The following NAALADL2 variants were observed in gnomAD, a reference collection of about 807,000 sequenced individuals.
NAALADL2 encodes inactive N-acetylated-alpha-linked acidic dipeptidase-like protein 2.
A neutral mutation model predicts 87.2 loss-of-function variants in NAALADL2; 76 were observed. The ratio of observed to expected loss-of-function variants is 0.87; its 90% CI spans 0.72 to 1.05. The LOEUF (loss-of-function observed/expected upper bound fraction) is 1.05. Ranked by LOEUF, NAALADL2 falls within the 50% of genes least tolerant of loss-of-function variation. NAALADL2 has a pLI of 0.00. For synonymous variants in NAALADL2, 354 were observed against 331.0 expected, an observed-to-expected ratio of 1.07 and a Z score of -0.75; for missense variants, 1,089 against 945.8, an observed-to-expected ratio of 1.15 and a Z score of -1.99.
At chr3:175,590,380 T>C (rs912390712) in intron 10 of NAALADL2, among the ~76,000 whole-genome samples, 7 of 148,086 alleles carry the variant, frequency 4.7e-5, no homozygotes, top group Non-Finnish European at 8.8e-5. Flanking sequence ...ATAGTGTCTG[T>C]ATCTGGAAAT....
At chr3:175,310,054 A>G (rs1033040131) in intron 4 of NAALADL2, among the ~76,000 whole-genome samples, 1 of 152,234 alleles carries the variant, frequency 6.6e-6, no homozygotes, top group Non-Finnish European at 1.5e-5. Context: ...TTATAATATC[A>G]TACGGAACTT....
chr3:175,782,879 T>C (rs1422473273), intron 13 of NAALADL2, among the ~76,000 whole-genome samples: 2 of 147,630 alleles, frequency 1.4e-5, no homozygotes, highest in African/African-American at 5.3e-5. Context: ...AATTGATTTT[T>C]GTATAAGGTG....
At chr3:174,541,522 G>T (rs1722220205) in intron 1 of NAALADL2, among the ~76,000 whole-genome samples, 1 of 151,970 alleles carries the variant, frequency 6.6e-6, no homozygotes, top group African/African-American at 2.4e-5. Flanking sequence ...ATTGAACGTG[G>T]GTTAATCAAT....
chr3:175,171,528 T>C (rs1041964266), intron 2 of NAALADL2, among the ~76,000 whole-genome samples: 5 of 152,110 alleles, frequency 3.3e-5, no homozygotes, highest in African/African-American at 1.2e-4. Flanking sequence ...ACATTGGTAG[T>C]ATGAAAAGTT....
intron 1 of NAALADL2, among the ~76,000 whole-genome samples, chr3:175,058,096 A>G (rs768330746): frequency 3.9e-5 from 6 of 152,164 alleles, no homozygotes; most frequent in Non-Finnish European, 8.8e-5. Flanking sequence ...TTCAATGACA[A>G]TTTGGTAAAC....
At chr3:175,694,355 T>C (rs1737454981) in intron 11 of NAALADL2, among the ~76,000 whole-genome samples, 1 of 152,182 alleles carries the variant, frequency 6.6e-6, no homozygotes, top group Non-Finnish European at 1.5e-5. Context: ...AATAGGGAAA[T>C]TATTTTATTT....
intron 5 of NAALADL2, among the ~76,000 whole-genome samples, chr3:175,355,571 A>G (rs1249608963): frequency 2.0e-5 from 3 of 152,204 alleles, no homozygotes; most frequent in Non-Finnish European, 4.4e-5. Flanking sequence ...CAGCTTGGAC[A>G]TCAGAAACTT....
chr3:175,277,492 A>G (rs1011620015), intron 4 of NAALADL2, among the ~76,000 whole-genome samples: 1 of 152,150 alleles, frequency 6.6e-6, no homozygotes, highest in African/African-American at 2.4e-5. Flanking sequence ...TGACCAATCT[A>G]TTAATGTAGT....
At chr3:175,472,643 G>C (rs1343468070) in intron 9 of NAALADL2, among the ~76,000 whole-genome samples, 1 of 152,268 alleles carries the variant, frequency 6.6e-6, no homozygotes, top group Non-Finnish European at 1.5e-5. Context: ...TTTGATTGAA[G>C]TGTAATGCAA....
rs556463398 is a variant in NAALADL2, at chr3:175,004,212, A to G, written c.44-92578A>G. Among the ~76,000 whole-genome samples the G allele has an allele frequency of 3.9e-5, 6 of 152,106 alleles. No homozygotes were observed. The East Asian group carries it at 1.2e-3, about 29-fold the overall frequency. On this transcript the variant is annotated intron_variant, in intron 1 of 13. Coordinates refer to ENST00000454872, the MANE Select transcript of NAALADL2 (RefSeq NM_207015.3). ...AACAAAGTGAGATGCTATCTCTATT[A>G]AAAATAAGTAAGTAAGTAAATAAAT...
chr3:175,463,363 A>G (rs774812790), intron 6 of NAALADL2, 38 bp from the exon 7 acceptor site: 4 of 1,269,066 alleles, frequency 3.2e-6, no homozygotes, highest in African/African-American at 1.5e-5. Flanking sequence ...ACAATAAAAT[A>G]TAAAGAAGCA....
chr3:174,544,094 T>A (rs1189652607), intron 1 of NAALADL2, among the ~76,000 whole-genome samples: 3 of 152,158 alleles, frequency 2.0e-5, no homozygotes, highest in Non-Finnish European at 4.4e-5. Context: ...TCTCTCATTC[T>A]TCCCACCCCA....
chr3:175,189,483 A>C (rs1737830677), intron 2 of NAALADL2, among the ~76,000 whole-genome samples: 1 of 152,218 alleles, frequency 6.6e-6, no homozygotes, highest in Admixed American at 6.5e-5. Context: ...ATATATAATC[A>C]TCAAACAATA....
chr3:174,968,251 T>C (rs992683405), intron 1 of NAALADL2, among the ~76,000 whole-genome samples: 7 of 152,142 alleles, frequency 4.6e-5, no homozygotes, highest in African/African-American at 1.4e-4. Flanking sequence ...AGTATAGTAA[T>C]TGAAACAACT....
intron 2 of NAALADL2, among the ~76,000 whole-genome samples, chr3:175,107,756 T>G (rs764838933): frequency 2.8e-4 from 41 of 145,644 alleles, no homozygotes; most frequent in Non-Finnish European, 4.2e-4. Context: ...ATTAAAAAAT[T>G]TCAGATTTTT....
chr3:174,592,527 A>T (rs1717481965), intron 2 of NAALADL2, among the ~76,000 whole-genome samples: 2 of 152,182 alleles, frequency 1.3e-5, no homozygotes, highest in South Asian at 4.1e-4. Context: ...TTTGGATATT[A>T]TAGGACTTTC....
At chr3:174,875,668 A>G (rs1388013125) in intron 1 of NAALADL2, among the ~76,000 whole-genome samples, 2 of 151,918 alleles carry the variant, frequency 1.3e-5, no homozygotes, top group Non-Finnish European at 2.9e-5. Context: ...TCTAAGAAAG[A>G]AAAAAAATGT....
intron 1 of NAALADL2, among the ~76,000 whole-genome samples, chr3:174,900,732 C>T (rs1732203383): frequency 6.6e-6 from 1 of 151,726 alleles, no homozygotes; most frequent in South Asian, 2.1e-4. Flanking sequence ...ACAGAGAGTA[C>T]ATCTGTGATA....
chr3:175,725,164 C>T (rs1742759398), intron 11 of NAALADL2, among the ~76,000 whole-genome samples: 1 of 151,994 alleles, frequency 6.6e-6, no homozygotes, highest in African/African-American at 2.4e-5. Flanking sequence ...TTATGAAAGG[C>T]TTCTTCTGTC....
Sources: allele counts gnomAD v4.1 joint callset (sites outside exome capture counted in the v4.1 genomes callset), GRCh38; gene constraint gnomAD v4.1.1; transcripts MANE v1.5; gene names NCBI Gene and HGNC (gene_info 2026-07-23, HGNC 2026-07-21).